SEMA6D: variants seen among roughly 807,000 people sequenced by gnomAD.
The protein encoded by SEMA6D is semaphorin-6D.
SEMA6D carries 35 observed loss-of-function variants against 106.6 expected under a neutral mutation model. The ratio of observed to expected loss-of-function variants is 0.33; its 90% CI spans 0.25 to 0.44. The LOEUF is 0.44. Among genes scored for constraint, SEMA6D ranks in the 20% least tolerant of loss-of-function variants. The pLI, the probability that SEMA6D is intolerant of heterozygous loss-of-function variation, is 1.00. For missense variants in SEMA6D, 1,185 were observed against 1,345.9 expected, an observed-to-expected ratio of 0.88 and a Z score of 1.87; for synonymous variants, 499 against 487.7, an observed-to-expected ratio of 1.02 and a Z score of -0.31.
chr15:47,489,186 G>A (rs552170538), intron 3 of SEMA6D, among the ~76,000 whole-genome samples: 12 of 152,250 alleles, frequency 7.9e-5, no homozygotes, highest in Middle Eastern at 3.4e-3. Flanking sequence ...CTGGAGTGAC[G>A]CTGCCACAGC....
At chr15:47,227,319 A>G (rs544134290) in intron 1 of SEMA6D, among the ~76,000 whole-genome samples, 1 of 151,996 alleles carries the variant, frequency 6.6e-6, no homozygotes, top group South Asian at 2.1e-4. Flanking sequence ...ACTCTTTATG[A>G]TTATTGGAGA....
At chr15:47,439,269 TA>T (rs1373605291) in intron 2 of SEMA6D, among the ~76,000 whole-genome samples, 1 of 152,164 alleles carries the variant, frequency 6.6e-6, no homozygotes, top group Non-Finnish European at 1.5e-5. Flanking sequence ...GTAGTTTGTG[TA>T]CATATTTAAC....
chr15:47,253,301 G>T (rs1449697526), intron 1 of SEMA6D, among the ~76,000 whole-genome samples: 1 of 152,060 alleles, frequency 6.6e-6, no homozygotes, highest in African/African-American at 2.4e-5. Flanking sequence ...CTCCCATTTT[G>T]CAGGTTGTCT....
chr15:47,293,437 C>T (rs2035674730), intron 1 of SEMA6D, among the ~76,000 whole-genome samples: 1 of 152,124 alleles, frequency 6.6e-6, no homozygotes, highest in African/African-American at 2.4e-5. Flanking sequence ...CTAAATTCAC[C>T]ACTCTTCCTT....
At chr15:47,261,648 C>A (rs1302516069) in intron 1 of SEMA6D, among the ~76,000 whole-genome samples, 3 of 152,026 alleles carry the variant, frequency 2.0e-5, no homozygotes, top group Non-Finnish European at 4.4e-5. Context: ...AAACCTATAC[C>A]CTTTAGCTAT....
chr15:47,284,763 T>C (rs2035284248), intron 1 of SEMA6D, among the ~76,000 whole-genome samples: 1 of 152,210 alleles, frequency 6.6e-6, no homozygotes, highest in East Asian at 1.9e-4. Context: ...TTTCTTAAAG[T>C]ATAACAACCG....
At chr15:47,214,930 A>G (rs1566930327) in intron 1 of SEMA6D, among the ~76,000 whole-genome samples, 1 of 151,964 alleles carries the variant, frequency 6.6e-6, no homozygotes, top group East Asian at 1.9e-4. Context: ...TCATCTGCAC[A>G]TTTAGTTTGT....
At chr15:47,255,765 A>G (rs1437513963) in intron 1 of SEMA6D, among the ~76,000 whole-genome samples, 1 of 152,168 alleles carries the variant, frequency 6.6e-6, no homozygotes, top group Non-Finnish European at 1.5e-5. Context: ...AATGCTTTGA[A>G]TAGCCCTAAA....
rs144842835 is a variant in SEMA6D, at chr15:47,686,211, A to G, written c.-54-73534A>G. On this transcript the variant is annotated intron_variant, in intron 4 of 19. Coordinates refer to the SEMA6D transcript ENST00000558014. Reference sequence around the variant, plus strand: ...ATGTCATATTATAGAATCATTTGCAATGGTTCACAAGTAAAATAAGAACTA... The same window carrying G: ...ATGTCATATTATAGAATCATTTGCAGTGGTTCACAAGTAAAATAAGAACTA... Among the ~76,000 whole-genome samples, 20 of 152,290 alleles carry G rather than the reference A, an allele frequency of 1.3e-4. 1 individual carries two copies. In the Middle Eastern group the frequency reaches 0.014, roughly 104 times the overall value.
intron 1 of SEMA6D, among the ~76,000 whole-genome samples, chr15:47,322,734 C>A (rs1002010295): frequency 2.6e-5 from 4 of 152,132 alleles, no homozygotes; most frequent in Non-Finnish European, 4.4e-5. Flanking sequence ...TATTTCTCCT[C>A]AAAAATTTGA....
At chr15:47,718,511 C>T (rs937261011) in intron 1 of SEMA6D, 1 of 148,854 alleles carries the variant, frequency 6.7e-6, no homozygotes, top group African/African-American at 2.4e-5. Flanking sequence ...CACCGTCCCT[C>T]TCCCCTTACT....
intron 1 of SEMA6D, among the ~76,000 whole-genome samples, chr15:47,332,241 CTTGAA>C (rs1343549064): frequency 6.6e-6 from 1 of 152,174 alleles, no homozygotes; most frequent in African/African-American, 2.4e-5. Flanking sequence ...AATAACTGAG[CTTGAA>C]TTGGTTTGTG....
In SEMA6D at chr15:47,505,402, A is replaced by G. The variant is rs1163561787; in HGVS notation, c.-87+34857A>G. 2.0e-5 allele frequency among the ~76,000 whole-genome samples: 3 copies of G among 152,202 alleles called. No individual in the cohort carries two copies. The East Asian group carries it at 5.8e-4, about 29-fold the overall frequency. On this transcript the variant is annotated intron_variant, in intron 3 of 19. Transcript: ENST00000558014. ...GTGACAACACTTAAAGTTTAAAGCA[A>G]TAGGCACATTCTGCGAAACAACTGG... is the stretch of plus-strand genomic sequence containing the variant.
In SEMA6D at chr15:47,686,220, A is replaced by G. The variant is rs192183763; in HGVS notation, c.-54-73525A>G. Among the ~76,000 whole-genome samples, 89 of 152,338 alleles carry G rather than the reference A, an allele frequency of 5.8e-4. 1 individual carries two copies. The highest frequency in any genetic ancestry group is 5.4e-3 in the Admixed American group (83 of 15,304). On this transcript the variant is annotated intron_variant, in intron 4 of 19. Transcript: ENST00000558014. ...TATAGAATCATTTGCAATGGTTCAC[A>G]AGTAAAATAAGAACTAAGTCATGAA...
intron 1 of SEMA6D, among the ~76,000 whole-genome samples, chr15:47,298,666 G>A (rs917053217): frequency 6.6e-6 from 1 of 152,086 alleles, no homozygotes; most frequent in African/African-American, 2.4e-5. Context: ...CAGGGGTGGT[G>A]AGAGTGCCAG....
chr15:47,621,538 C>T (rs1260554705), intron 4 of SEMA6D, among the ~76,000 whole-genome samples: 3 of 152,056 alleles, frequency 2.0e-5, no homozygotes, highest in Non-Finnish European at 4.4e-5. Context: ...GGGCAATTTC[C>T]GGGGTCCCCA....
intron 4 of SEMA6D, among the ~76,000 whole-genome samples, chr15:47,604,866 A>ATTTTTTTTT (rs56218960): frequency 4.2e-5 from 6 of 144,170 alleles, no homozygotes; most frequent in Non-Finnish European, 7.5e-5. Context: ...TGCCTGGCTA[A>ATTTTTTTTT]TTTTTTTTTT....
intron 1 of SEMA6D, among the ~76,000 whole-genome samples, chr15:47,720,504 C>T (rs949640215): frequency 2.0e-5 from 3 of 152,060 alleles, no homozygotes; most frequent in East Asian, 1.9e-4. Flanking sequence ...GATGTAAATC[C>T]GTTAGTCCTT....
chr15:47,737,505 T>C (rs889726399), intron 1 of SEMA6D, among the ~76,000 whole-genome samples: 10 of 152,352 alleles, frequency 6.6e-5, no homozygotes, highest in African/African-American at 2.4e-4. Flanking sequence ...TATTTGTCTA[T>C]ATGCATCTCC....
Sources: allele counts gnomAD v4.1 joint callset (sites outside exome capture counted in the v4.1 genomes callset), GRCh38; gene constraint gnomAD v4.1.1; transcripts MANE v1.5; gene names NCBI Gene and HGNC (gene_info 2026-07-23, HGNC 2026-07-21).